Variants in ERC1 observed in about 807,000 individuals in gnomAD.
ERC1 encodes ELKS/RAB6-interacting/CAST family member 1.
Under a neutral mutation model 132.0 loss-of-function variants are expected in ERC1, and 56 were observed. The observed-to-expected ratio is 0.42, with a 90% CI of 0.34 to 0.53. ERC1 has a LOEUF of 0.53. Among genes scored for constraint, ERC1 ranks in the 20% least tolerant of loss-of-function variants. The pLI is 0.03. For missense variants in ERC1, 1,202 were observed against 1,349.9 expected, an observed-to-expected ratio of 0.89 and a Z score of 1.72; for synonymous variants, 478 against 476.1, an observed-to-expected ratio of 1.00 and a Z score of -0.05.
At chr12:1,469,145 C>T (rs1166465722) in intron 18 of ERC1, among the ~76,000 whole-genome samples, 1 of 152,242 alleles carries the variant, frequency 6.6e-6, no homozygotes, top group Non-Finnish European at 1.5e-5. Flanking sequence ...AGATAACTAA[C>T]AATATCTTAT....
At chr12:1,055,095 C>A (rs1972695787) in intron 2 of ERC1, among the ~76,000 whole-genome samples, 1 of 152,188 alleles carries the variant, frequency 6.6e-6, no homozygotes, top group South Asian at 2.1e-4. Flanking sequence ...ACTGTTTCCT[C>A]ATTAAGGTGC....
chr12:1,434,684 CCTT>C (rs2092902315), intron 17 of ERC1, among the ~76,000 whole-genome samples: 2 of 152,196 alleles, frequency 1.3e-5, no homozygotes, highest in Non-Finnish European at 1.5e-5. Context: ...GCACGTGGGT[CCTT>C]CTTCCAGAGA....
At chr12:1,187,547 G>A (rs1363491782) in intron 11 of ERC1, among the ~76,000 whole-genome samples, 1 of 152,008 alleles carries the variant, frequency 6.6e-6, no homozygotes, top group African/African-American at 2.4e-5. Flanking sequence ...GATTAGAGAC[G>A]TGAACCACTG....
At chr12:1,266,443 C>T (rs781092201) in intron 14 of ERC1, among the ~76,000 whole-genome samples, 3 of 107,450 alleles carry the variant, frequency 2.8e-5, no homozygotes, top group African/African-American at 1.1e-4. Context: ...CTTGCTCTGT[C>T]GCCCGGGCTG....
At chr12:1,391,894 G>A (rs967667021) in intron 16 of ERC1, among the ~76,000 whole-genome samples, 82 of 152,152 alleles carry the variant, frequency 5.4e-4, no homozygotes, top group African/African-American at 2.0e-3. Context: ...GGATATATAA[G>A]GCAGAAAGAT....
chr12:1,342,694 C>T (rs1447814888), intron 15 of ERC1, among the ~76,000 whole-genome samples: 1 of 152,158 alleles, frequency 6.6e-6, no homozygotes, highest in East Asian at 1.9e-4. Flanking sequence ...GATAAAATAG[C>T]AGATGAAAAG....
chr12:1,339,684 C>CTG (rs1431705681), intron 15 of ERC1, among the ~76,000 whole-genome samples: 1 of 152,188 alleles, frequency 6.6e-6, no homozygotes, highest in Non-Finnish European at 1.5e-5. Context: ...AGAGCCCTTG[C>CTG]TGGTGACTGT....
chr12:1,189,711 A>G (rs1444998157), intron 11 of ERC1, 148 bp from the exon 12 acceptor site: 2 of 553,404 alleles, frequency 3.6e-6, no homozygotes, highest in African/African-American at 3.7e-5. Context: ...ATAATACTTA[A>G]GCAGATAAAA....
At chr12:1,457,032 C>A (rs1160416609) in intron 18 of ERC1, among the ~76,000 whole-genome samples, 1 of 152,152 alleles carries the variant, frequency 6.6e-6, no homozygotes, top group Non-Finnish European at 1.5e-5. Context: ...ATGATAAGAC[C>A]ATATTTTTAC....
intron 1 of ERC1, among the ~76,000 whole-genome samples, chr12:1,000,487 GAAA>G (rs10716503): frequency 7.6e-6 from 1 of 130,720 alleles, no homozygotes; most frequent in East Asian, 2.2e-4. Context: ...CCCTGTCTCA[GAAA>G]AAAAAAAAAA....
chr12:1,420,243 C>A (rs2092367672), intron 17 of ERC1, among the ~76,000 whole-genome samples: 1 of 152,162 alleles, frequency 6.6e-6, no homozygotes, highest in African/African-American at 2.4e-5. Context: ...GGCAACTTAA[C>A]AGCTACAAAC....
At chr12:1,416,255 A>G (rs1230881102) in intron 17 of ERC1, among the ~76,000 whole-genome samples, 1 of 152,252 alleles carries the variant, frequency 6.6e-6, no homozygotes, top group African/African-American at 2.4e-5. Flanking sequence ...GATAAATGTG[A>G]CTAACCAGGA....
intron 14 of ERC1, among the ~76,000 whole-genome samples, chr12:1,277,722 C>T (rs2078374276): frequency 6.6e-6 from 1 of 152,098 alleles, no homozygotes; most frequent in Admixed American, 6.6e-5. Flanking sequence ...AAGCAGTTTA[C>T]TGGTTTCTGC....
At chr12:1,094,761 A>G (rs1943792530) in intron 3 of ERC1, among the ~76,000 whole-genome samples, 1 of 152,118 alleles carries the variant, frequency 6.6e-6, no homozygotes, top group Admixed American at 6.6e-5. Flanking sequence ...CATTTTGACA[A>G]GGTGACATTT....
intron 3 of ERC1, among the ~76,000 whole-genome samples, chr12:1,084,918 T>A (rs1041202135): frequency 6.6e-6 from 1 of 152,182 alleles, no homozygotes. Context: ...CCTAGGCTGG[T>A]CTTGAACTCC....
At chr12:1,264,360 T>TGATTTAA (rs1286233399) in intron 14 of ERC1, among the ~76,000 whole-genome samples, 1 of 152,164 alleles carries the variant, frequency 6.6e-6, no homozygotes, top group African/African-American at 2.4e-5. Context: ...TATGAGAATG[T>TGATTTAA]GATTTAAGAT....
chr12:1,139,143 T>C (rs1330070537), intron 7 of ERC1, among the ~76,000 whole-genome samples: 1 of 152,244 alleles, frequency 6.6e-6, no homozygotes, highest in Non-Finnish European at 1.5e-5. Context: ...AAATATTAAA[T>C]GGAAAATTCC....
chr12:1,234,002 T>C (rs1027467369), intron 12 of ERC1, among the ~76,000 whole-genome samples: 6 of 152,218 alleles, frequency 3.9e-5, no homozygotes, highest in African/African-American at 9.6e-5. Flanking sequence ...TGGAGATGCA[T>C]CAGGAAGCAT....
At chr12:1,489,679 G>A (rs1565543606) in intron 18 of ERC1, among the ~76,000 whole-genome samples, 1 of 152,134 alleles carries the variant, frequency 6.6e-6, no homozygotes, top group African/African-American at 2.4e-5. Context: ...GGATGAAAGC[G>A]ATACACGGCA....
Sources: gnomAD v4.1 joint callset for allele counts (sites outside exome capture counted in the v4.1 genomes callset) on GRCh38, gnomAD v4.1.1 for gene constraint, MANE v1.5 for transcripts, NCBI Gene and HGNC (gene_info 2026-07-23, HGNC 2026-07-21) for gene names.